The following PPP2R5C variants were observed in gnomAD, a reference collection of about 807,000 sequenced individuals.
PPP2R5C encodes serine/threonine-protein phosphatase 2A 56 kDa regulatory subunit gamma isoform.
In PPP2R5C, 7 loss-of-function variants were observed where a neutral mutation model predicts 68.9. The ratio of observed to expected loss-of-function variants is 0.10; its 90% confidence interval spans 0.06 to 0.19. The LOEUF is 0.19. Ranked by LOEUF, PPP2R5C falls within the 10% of genes least tolerant of loss-of-function variation. The probability of loss-of-function intolerance (pLI) is 1.00; values close to 1 mark genes in which losing one functional copy is unlikely to be tolerated. For missense variants in PPP2R5C, 348 were observed against 641.3 expected (o/e 0.54, Z 4.94); for synonymous variants, 210 against 222.2 (o/e 0.95, Z 0.49).
chr14:101,885,228 A>C (rs1389789298), intron 5 of PPP2R5C, among the ~76,000 whole-genome samples: 1 of 152,168 alleles, frequency 6.6e-6, no homozygotes, highest in Non-Finnish European at 1.5e-5. Context: ...TTTCTTAGTC[A>C]CAGTGACCAC....
chr14:101,901,985 C>G (rs1157406211), intron 9 of PPP2R5C, 96 bp downstream of exon 11: 2 of 1,388,608 alleles, frequency 1.4e-6, no homozygotes, highest in Non-Finnish European at 2.0e-6. Flanking sequence ...GCCTCTCATG[C>G]AATTTAAAGG....
chr14:101,833,825 G>A (rs1010727849), intron 1 of PPP2R5C, among the ~76,000 whole-genome samples: 18 of 152,000 alleles, frequency 1.2e-4, no homozygotes, highest in African/African-American at 3.1e-4. Flanking sequence ...TTTTTAAGAC[G>A]GAGTCTCGCT....
intron 2 of PPP2R5C, among the ~76,000 whole-genome samples, chr14:101,872,736 TTATG>T (rs1472386938): frequency 1.3e-5 from 2 of 152,214 alleles, no homozygotes; most frequent in Non-Finnish European, 2.9e-5. Flanking sequence ...AGTCATTTGA[TTATG>T]ATGGGCCTTG....
At chr14:101,859,604 A>G (rs2042638367) in intron 2 of PPP2R5C, among the ~76,000 whole-genome samples, 1 of 152,072 alleles carries the variant, frequency 6.6e-6, no homozygotes, top group African/African-American at 2.4e-5. Flanking sequence ...CATTGATGAG[A>G]AGTATAGTGA....
Position 101,882,282 on chromosome 14 carries a change from C to G in PPP2R5C, c.405+11C>G, listed in dbSNP as rs753115380. 1 of 1,591,690 alleles carries G rather than the reference C, an allele frequency of 6.3e-7. No individual in the cohort carries two copies. Among genetic ancestry groups the G allele is most frequent in the Non-Finnish European group, 8.6e-7 (1 of 1,163,842 alleles). On this transcript the variant is annotated intron_variant, in intron 3 of 13. Coordinates refer to ENST00000334743, the Ensembl canonical transcript of PPP2R5C. This position sits in a 1 kb window ranked among gnomAD's most constrained non-coding sequence, Gnocchi z 4.9. Reference sequence around the variant, plus strand: ...TGGCCTCATCTACAGGTATCGGGCTCTGGGTGATAGACTCGGAGGGCACTG... The same window carrying G: ...TGGCCTCATCTACAGGTATCGGGCTGTGGGTGATAGACTCGGAGGGCACTG...
Position 101,877,585 on chromosome 14 carries a change from A to T in PPP2R5C, c.295-4576A>T, listed in dbSNP as rs1365390569. 6.6e-6 allele frequency among the ~76,000 whole-genome samples: 1 copy of T among 152,118 alleles called. No homozygotes were observed. The highest frequency in any genetic ancestry group is 1.5e-5 in the Non-Finnish European group (1 of 68,022). ...GCATGGCAGTGACATTTGCACACAG[A>T]CATCAGCACCCCAGGTTTCTGTACC... On this transcript the variant is annotated intron_variant, in intron 2 of 13. Transcript: ENST00000334743. This position sits in a 1 kb window ranked among gnomAD's most constrained non-coding sequence, Gnocchi z 4.2.
intron 3 of PPP2R5C, among the ~76,000 whole-genome samples, chr14:101,804,640 C>A (rs986015699): frequency 6.6e-6 from 1 of 151,950 alleles, no homozygotes; most frequent in African/African-American, 2.4e-5. Context: ...CACATGTTCT[C>A]ACATATTCAT....
chr14:101,889,339 C>T (rs530009528), intron 5 of PPP2R5C, among the ~76,000 whole-genome samples: 17 of 152,266 alleles, frequency 1.1e-4, no homozygotes, highest in African/African-American at 3.9e-4. Flanking sequence ...CCCAGGTGCA[C>T]GAGGCTTGGG....
intron 1 of PPP2R5C, among the ~76,000 whole-genome samples, chr14:101,841,679 C>G (rs2041483484): frequency 6.6e-6 from 1 of 152,134 alleles, no homozygotes. Flanking sequence ...GTCGCAGACA[C>G]AAAAGCCGTA....
In PPP2R5C at chr14:101,912,298, G is replaced by T. The variant is rs550242473; in HGVS notation, c.1254-103G>T. 1.1e-5 allele frequency: 10 copies of T among 928,122 alleles called. No homozygotes were observed. In the South Asian group the frequency reaches 1.5e-4, roughly 14 times the overall value. 57.5% of individuals were successfully genotyped at this position (928,122 alleles called of 1,614,324 possible). On this transcript the variant is annotated intron_variant, in intron 11 of 13. Transcript: ENST00000334743. The stretch of plus-strand genomic sequence containing the variant: ...GGGAAATGGAGCAGGGGGGCTGCGG[G>T]AGGAGCCGCTGGCTGGGCTCAACAT...
intron 13 of PPP2R5C, among the ~76,000 whole-genome samples, chr14:101,922,691 G>A (rs2047079625): frequency 6.6e-6 from 1 of 151,014 alleles, no homozygotes; most frequent in Non-Finnish European, 1.5e-5. Flanking sequence ...TGTGGTGCGT[G>A]CCTGTAGTCC....
intron 13 of PPP2R5C, among the ~76,000 whole-genome samples, chr14:101,921,535 A>G (rs1272501739): frequency 6.6e-6 from 1 of 152,132 alleles, no homozygotes; most frequent in African/African-American, 2.4e-5. Context: ...AAATTAAAAA[A>G]AAAAAGGTAC....
chr14:101,760,707 A>C (rs1420270796), upstream of PPP2R5C: 1 of 906,234 alleles, frequency 1.1e-6, no homozygotes, highest in Non-Finnish European at 1.3e-6. Flanking sequence ...TCGCGGGAGG[A>C]GCTGCGGAAA....
At chr14:101,796,565 GT>G (rs1566845199) in intron 3 of PPP2R5C, 1 of 153,418 alleles carries the variant, frequency 6.5e-6, no homozygotes. Context: ...GCCACAGAGA[GT>G]TACCACCAGG....
In PPP2R5C at chr14:101,781,717, C is replaced by T. The variant is rs1417143001; in HGVS notation, c.94-4301C>T. Reference sequence around the variant, plus strand: ...GCCCCGGAGCCCGGAGGAGGGGAGCCGGCCACCCGGGGAAGAAGCGGAGGA... The same window carrying T: ...GCCCCGGAGCCCGGAGGAGGGGAGCTGGCCACCCGGGGAAGAAGCGGAGGA... On this transcript the variant is annotated intron_variant, in intron 2 of 14. Transcript: ENST00000328724. The surrounding 1 kb of genome is among the most constrained non-coding windows in gnomAD (Gnocchi z 6.4). 6.6e-6 allele frequency among the ~76,000 whole-genome samples: 1 copy of T among 152,088 alleles called. No homozygotes were observed.
chr14:101,761,714 CGTG>C, upstream of PPP2R5C: 5 of 717,648 alleles, frequency 7.0e-6, no homozygotes, highest in Non-Finnish European at 8.4e-6. Flanking sequence ...CCGCCGCCGC[CGTG>C]GCTGCCGCAG....
chr14:101,788,120 G>A (rs2038203597), intron 3 of PPP2R5C, among the ~76,000 whole-genome samples: 1 of 152,172 alleles, frequency 6.6e-6, no homozygotes, highest in Non-Finnish European at 1.5e-5. Context: ...GAGGGAAAAG[G>A]CTTTGTATAA....
At chr14:101,764,925 G>A (rs185473401) in intron 2 of PPP2R5C, among the ~76,000 whole-genome samples, 11 of 151,674 alleles carry the variant, frequency 7.3e-5, no homozygotes, top group African/African-American at 2.7e-4. Context: ...ATACAAAGGA[G>A]CATCAGTGTG....
chr14:101,883,974 C>T (rs2044319915), intron 5 of PPP2R5C, among the ~76,000 whole-genome samples: 1 of 152,180 alleles, frequency 6.6e-6, no homozygotes, highest in Non-Finnish European at 1.5e-5. Context: ...GGAGAGTTGA[C>T]TCACACGATC....
Sources: allele counts gnomAD v4.1 joint callset (sites outside exome capture counted in the v4.1 genomes callset), GRCh38; gene constraint gnomAD v4.1.1; non-coding constraint Gnocchi (gnomAD v3.1); transcripts MANE v1.5; gene names NCBI Gene and HGNC (gene_info 2026-07-23, HGNC 2026-07-21).